Variants in CACNA1A observed in about 807,000 individuals in gnomAD.
CACNA1A encodes the protein calcium voltage-gated channel subunit alpha1 A.
Under a neutral mutation model 262.4 loss-of-function variants are expected in CACNA1A, and 57 were observed. The ratio of observed to expected loss-of-function variants is 0.22; its 90% CI spans 0.18 to 0.27. CACNA1A has a LOEUF of 0.27. Among genes scored for constraint, CACNA1A ranks in the 10% least tolerant of loss-of-function variants. The pLI is 1.00. For missense variants in CACNA1A, 2,526 were observed against 3,562.8 expected (o/e 0.71, Z 7.41); for synonymous variants, 1,431 against 1,419.3 (o/e 1.01, Z -0.18).
rs141598061 is a variant in CACNA1A at position 13,330,475 on chromosome 19, G to A, written c.1256-142C>T. On this transcript the variant is annotated intron_variant, in intron 9 of 46. Coordinates refer to ENST00000360228, the MANE Select transcript of CACNA1A (RefSeq NM_001127222.2). ...AATAGTATACCCATTTTTCAGATGT[G>A]TAAACTGAGGTTCAAGGTGGCACTA... 80 of 695,372 alleles carry A rather than the reference G, an allele frequency of 1.2e-4. 1 individual carries two copies. The Middle Eastern group carries it at 5.0e-3, about 43-fold the overall frequency. 43.1% of individuals were successfully genotyped at this position (695,372 alleles called of 1,614,324 possible).
Position 13,349,007 on chromosome 19 carries a change from C to CAAAAAAA in CACNA1A, c.978+10592_978+10598dup, listed in dbSNP as rs60884577. On this transcript the variant is annotated intron_variant, in intron 6 of 46. Coordinates refer to ENST00000360228, the MANE Select transcript of CACNA1A (RefSeq NM_001127222.2). ...TGGGTGACAGAGTGAGACGCTGTCT[C>CAAAAAAA]AAAAAAAAAAAAAAAAAAAAAGAGA... Among the ~76,000 whole-genome samples, 46 of 59,584 alleles carry CAAAAAAA rather than the reference C, an allele frequency of 7.7e-4. 1 individual carries two copies. Among genetic ancestry groups the CAAAAAAA allele is most frequent in the East Asian group, 3.4e-3 (6 of 1,780 alleles). 39.1% of individuals were successfully genotyped at this position (59,584 alleles called of 152,430 possible).
intron 25 of CACNA1A, chr19:13,261,811 G>C: frequency 1.8e-6 from 1 of 558,204 alleles, no homozygotes; most frequent in South Asian, 2.4e-5. Flanking sequence ...GCATTCTATG[G>C]ATCTAAAACT....
intron 22 of CACNA1A, among the ~76,000 whole-genome samples, chr19:13,278,634 A>C (rs2057209458): frequency 6.6e-6 from 1 of 151,996 alleles, no homozygotes; most frequent in South Asian, 2.1e-4. Context: ...CCCCACCCAA[A>C]TGTCAGCCCC....
chr19:13,423,778 G>A (rs1376695937), intron 3 of CACNA1A, among the ~76,000 whole-genome samples: 1 of 152,016 alleles, frequency 6.6e-6, no homozygotes, highest in Admixed American at 6.6e-5. Flanking sequence ...GCCTCCCAAA[G>A]TGTTGGGATT....
At chr19:13,219,903 T>C (rs1479721699) in intron 38 of CACNA1A, among the ~76,000 whole-genome samples, 1 of 150,268 alleles carries the variant, frequency 6.7e-6, no homozygotes, top group East Asian at 2.0e-4. Context: ...TGAGCCGAGA[T>C]TGCGCCACTG....
intron 6 of CACNA1A, among the ~76,000 whole-genome samples, chr19:13,352,372 C>T (rs2058927344): frequency 6.7e-6 from 1 of 149,908 alleles, no homozygotes; most frequent in African/African-American, 2.5e-5. Context: ...CCACTGCACT[C>T]CAGCCTGGGC....
rs1349051826 is a variant in CACNA1A, at chr19:13,368,102, C to A, written c.632-2633G>T. On this transcript the variant is annotated intron_variant, in intron 4 of 46. Transcript: ENST00000360228. ...GGCTGAGGCGGGTGGATCACTTGAA[C>A]TCAGGAGTTTGAGACCAGCCTGAGC... 2.0e-5 allele frequency among the ~76,000 whole-genome samples: 3 copies of A among 151,984 alleles called. 1 individual carries two copies. Among genetic ancestry groups the A allele is most frequent in the African/African-American group, 4.8e-5 (2 of 41,358 alleles).
chr19:13,284,920 C>T (rs1238041020), intron 21 of CACNA1A, 148 bp downstream of exon 21: 6 of 661,258 alleles, frequency 9.1e-6, no homozygotes, highest in African/African-American at 3.6e-5. Context: ...ACCTGACTTA[C>T]GGAAGGAGCA....
chr19:13,400,392 G>T (rs1599370432), intron 3 of CACNA1A, among the ~76,000 whole-genome samples: 1 of 152,108 alleles, frequency 6.6e-6, no homozygotes, highest in South Asian at 2.1e-4. Flanking sequence ...TTATTCAAAT[G>T]ATTCTCTTTT....
intron 1 of CACNA1A, among the ~76,000 whole-genome samples, chr19:13,481,879 A>T (rs1979363128): frequency 6.6e-6 from 1 of 151,928 alleles, no homozygotes; most frequent in South Asian, 2.1e-4. Flanking sequence ...CCATCAAGGC[A>T]TCTTTCCCCA....
rs1368620255 is a variant in CACNA1A at position 13,488,402 on chromosome 19, T to TC, written c.293+17529_293+17530insG. On this transcript the variant is annotated intron_variant, in intron 1 of 46. Transcript: ENST00000360228. ...TCCTTTTTCTTTTCTTTTTTTTTTT[T>TC]TTTTTTTTTTTTTTGAGACAGAGTC... is the stretch of plus-strand genomic sequence containing the variant. Among the ~76,000 whole-genome samples the TC allele has an allele frequency of 2.3e-5, 3 of 130,206 alleles. No individual in the cohort carries two copies. In the South Asian group the frequency reaches 8.2e-4, roughly 35 times the overall value. 85.4% of individuals were successfully genotyped at this position (130,206 alleles called of 152,430 possible).
intron 30 of CACNA1A, 24 bp downstream of exon 30, chr19:13,252,967 C>G (rs201617627): frequency 6.7e-7 from 1 of 1,491,874 alleles, no homozygotes; most frequent in Non-Finnish European, 9.4e-7. Flanking sequence ...AAGCCCATAG[C>G]TGTAGCCCCA....
In CACNA1A at chr19:13,285,153, CCTT is replaced by C. The variant is rs772989979; in HGVS notation, c.3604_3606del (p.Lys1202del). Reference sequence around the variant, plus strand: ...TCCCCACGGTCGTCTTCCTCCTCCTCCTTCTTCTCTTCCTCTTTTTTTGGCAGT... The same window carrying C: ...TCCCCACGGTCGTCTTCCTCCTCCTCCTTCTCTTCCTCTTTTTTTGGCAGT... On this transcript the variant is annotated inframe_deletion, in exon 21 of 47. Coordinates refer to ENST00000360228, the MANE Select transcript of CACNA1A (RefSeq NM_001127222.2). The C allele has an allele frequency of 1.2e-3, 1,977 of 1,613,952 alleles. 13 individuals are homozygous for C. Among genetic ancestry groups the C allele is most frequent in the Middle Eastern group, 1.8e-3 (11 of 6,062 alleles).
chr19:13,261,832 A>T (rs1384855383), intron 25 of CACNA1A: 1 of 518,020 alleles, frequency 1.9e-6, no homozygotes, highest in Non-Finnish European at 3.5e-6. Context: ...CCCAGATGGG[A>T]TACCAGAGAT....
intron 1 of CACNA1A, among the ~76,000 whole-genome samples, chr19:13,482,416 G>A (rs140083591): frequency 6.6e-6 from 1 of 151,752 alleles, no homozygotes; most frequent in African/African-American, 2.4e-5. Flanking sequence ...CCAGGAGGCA[G>A]AGCTTCCAGT....
chr19:13,426,683 C>A (rs1338100022), intron 3 of CACNA1A, among the ~76,000 whole-genome samples: 3 of 152,158 alleles, frequency 2.0e-5, no homozygotes, highest in African/African-American at 2.4e-5. Flanking sequence ...GCTAAAGAGG[C>A]AACTGGTAAG....
At chr19:13,338,073 T>C (rs897928475) in intron 6 of CACNA1A, among the ~76,000 whole-genome samples, 2 of 152,014 alleles carry the variant, frequency 1.3e-5, no homozygotes, top group South Asian at 4.1e-4. Flanking sequence ...CAAAAAAAAT[T>C]AGCCGGGCCT....
intron 9 of CACNA1A, among the ~76,000 whole-genome samples, chr19:13,332,108 T>A (rs74715343): frequency 0.027 from 4,131 of 152,318 alleles, 192 homozygotes; most frequent in African/African-American, 0.093. Flanking sequence ...CCTCCTTTCA[T>A]ATTCAGGTTT....
chr19:13,410,405 T>A (rs150930296), intron 3 of CACNA1A, among the ~76,000 whole-genome samples: 9,150 of 151,386 alleles, frequency 0.06, 511 homozygotes, highest in South Asian at 0.22. Context: ...TAAAAAAAAA[T>A]TTTTTTTGTA....
Sources: allele counts gnomAD v4.1 joint callset (sites outside exome capture counted in the v4.1 genomes callset), GRCh38; gene constraint gnomAD v4.1.1; transcripts MANE v1.5; gene names NCBI Gene and HGNC (gene_info 2026-07-23, HGNC 2026-07-21).